Variants in ITSN1 observed in about 807,000 individuals in gnomAD.
The protein encoded by ITSN1 is intersectin 1, also known as intersectin-1.
In ITSN1, 58 loss-of-function variants were observed where a neutral mutation model predicts 239.8. The observed-to-expected ratio is 0.24, with a 90% CI of 0.20 to 0.30. The LOEUF is 0.30. Among genes scored for constraint, ITSN1 ranks in the 10% least tolerant of loss-of-function variants. The pLI is 1.00. For missense variants in ITSN1, 1,558 were observed against 2,103.3 expected, an observed-to-expected ratio of 0.74 and a Z score of 5.07; for synonymous variants, 780 against 770.8, an observed-to-expected ratio of 1.01 and a Z score of -0.20.
intron 1 of ITSN1, among the ~76,000 whole-genome samples, chr21:33,665,861 GA>G (rs1248288969): frequency 6.6e-6 from 1 of 151,476 alleles, no homozygotes; most frequent in East Asian, 1.9e-4. Context: ...GAATAAACAT[GA>G]AAACATGTAT....
At chr21:33,708,458 G>A (rs998418838) in intron 1 of ITSN1, among the ~76,000 whole-genome samples, 9 of 151,652 alleles carry the variant, frequency 5.9e-5, no homozygotes, top group East Asian at 3.9e-4. Context: ...GCGCGATCTC[G>A]GCTCACAGCA....
At chr21:33,798,834 A>G (rs1469042484) in intron 18 of ITSN1, among the ~76,000 whole-genome samples, 2 of 152,182 alleles carry the variant, frequency 1.3e-5, no homozygotes, top group Non-Finnish European at 2.9e-5. Flanking sequence ...CATCAGACCT[A>G]CAGAGTAGCA....
At chr21:33,743,516 G>A (rs2066991733) in intron 5 of ITSN1, among the ~76,000 whole-genome samples, 1 of 141,460 alleles carries the variant, frequency 7.1e-6, no homozygotes, top group Non-Finnish European at 1.6e-5. Context: ...TTGAGAAACA[G>A]TAACAAGTAT....
At chr21:33,653,416 C>A (rs1293669359) in intron 1 of ITSN1, among the ~76,000 whole-genome samples, 1 of 152,234 alleles carries the variant, frequency 6.6e-6, no homozygotes, top group Non-Finnish European at 1.5e-5. Flanking sequence ...CCCTCTAAGA[C>A]TTCTATGCTT....
intron 26 of ITSN1, chr21:33,828,817 C>T: frequency 2.6e-6 from 1 of 387,958 alleles, no homozygotes; most frequent in South Asian, 2.1e-5. Flanking sequence ...GTCTCCTGGG[C>T]CCGTGGAAAT....
chr21:33,835,313 G>A (rs1385427644), intron 28 of ITSN1, among the ~76,000 whole-genome samples: 2 of 152,142 alleles, frequency 1.3e-5, no homozygotes, highest in Non-Finnish European at 2.9e-5. Context: ...GCTGTCCCCT[G>A]GAGAGATGTG....
chr21:33,728,007 G>A (rs556845363), intron 4 of ITSN1, among the ~76,000 whole-genome samples: 5 of 147,994 alleles, frequency 3.4e-5, no homozygotes, highest in African/African-American at 7.5e-5. Context: ...TCACTCTGTC[G>A]CCCAAGCTGG....
intron 1 of ITSN1, among the ~76,000 whole-genome samples, chr21:33,693,505 C>T (rs905176630): frequency 2.6e-5 from 4 of 151,982 alleles, no homozygotes; most frequent in African/African-American, 9.7e-5. Context: ...TATAGGCATG[C>T]GCCATCACAC....
At chr21:33,734,359 T>C (rs954243317) in intron 4 of ITSN1, among the ~76,000 whole-genome samples, 8 of 152,198 alleles carry the variant, frequency 5.3e-5, no homozygotes, top group African/African-American at 1.9e-4. Context: ...ACTTGGACCG[T>C]GTATATTTGA....
chr21:33,782,806 A>C (rs541193216), intron 16 of ITSN1, among the ~76,000 whole-genome samples: 2 of 152,232 alleles, frequency 1.3e-5, no homozygotes, highest in African/African-American at 4.8e-5. Context: ...CAGGCGGATC[A>C]TGAGGTCAGG....
intron 21 of ITSN1, 90 bp from the exon 22 acceptor site, chr21:33,813,823 C>CTTTT: frequency 5.4e-6 from 5 of 930,484 alleles, no homozygotes; most frequent in South Asian, 2.7e-5. Context: ...GGAGTGCTTG[C>CTTTT]TTTTTTTTTT....
intron 28 of ITSN1, among the ~76,000 whole-genome samples, chr21:33,835,058 T>C (rs1288106261): frequency 6.6e-6 from 1 of 152,226 alleles, no homozygotes; most frequent in Non-Finnish European, 1.5e-5. Context: ...GGAGCAGATT[T>C]CTGCTTTAGG....
intron 1 of ITSN1, among the ~76,000 whole-genome samples, chr21:33,667,191 C>T (rs758077916): frequency 1.3e-5 from 2 of 151,442 alleles, no homozygotes; most frequent in Non-Finnish European, 1.5e-5. Context: ...TTTCCAAACG[C>T]TCTATAATAT....
At position 33,885,649 on chromosome 21, in the gene ITSN1, G is replaced by A. The variant is rs116587086; in HGVS notation, c.4843+127G>A. On this transcript the variant is annotated intron_variant, in intron 38 of 39. Transcript: ENST00000381318. ...ACTCCCTGATCTCCTTCCAGAATTG[G>A]TTTAACTAGCACTTGTTAAAAACCT... 1.2e-3 allele frequency: 838 copies of A among 719,824 alleles called. 6 individuals are homozygous for A. The African/African-American group carries it at 0.014, about 12-fold the overall frequency. 44.6% of individuals were successfully genotyped at this position (719,824 alleles called of 1,614,324 possible).
chr21:33,753,323 A>G (rs556535472), intron 7 of ITSN1, among the ~76,000 whole-genome samples: 2 of 152,328 alleles, frequency 1.3e-5, no homozygotes, highest in African/African-American at 4.8e-5. Context: ...TCAACCCCAT[A>G]GCTACCTATG....
At chr21:33,654,083 T>G (rs971386513) in intron 1 of ITSN1, among the ~76,000 whole-genome samples, 2 of 152,070 alleles carry the variant, frequency 1.3e-5, no homozygotes, top group African/African-American at 4.8e-5. Context: ...TGTCTCACTC[T>G]GTCACCCAGG....
In ITSN1 at chr21:33,836,687, A is replaced by G. The variant is rs1439013979; in HGVS notation, c.3661+55A>G. 7.3e-6 allele frequency: 10 copies of G among 1,375,094 alleles called. No individual in the cohort carries two copies. In the Admixed American group the frequency reaches 1.8e-4, roughly 24 times the overall value. 85.2% of individuals were successfully genotyped at this position (1,375,094 alleles called of 1,614,324 possible). ...CCTCTCTGGTATCTTCCCGTAAAAC[A>G]TGCAGCATTGCTCTGATTCTGCTGA... On this transcript the variant is annotated intron_variant, in intron 29 of 39. Coordinates refer to ENST00000381318, the MANE Select transcript of ITSN1 (RefSeq NM_003024.3).
intron 16 of ITSN1, among the ~76,000 whole-genome samples, chr21:33,784,514 A>G (rs1461620148): frequency 2.0e-5 from 3 of 152,226 alleles, no homozygotes; most frequent in East Asian, 1.9e-4. Context: ...AAAAACAAAC[A>G]AACAAAACAG....
intron 1 of ITSN1, among the ~76,000 whole-genome samples, chr21:33,683,895 A>G (rs2091102379): frequency 6.6e-6 from 1 of 152,098 alleles, no homozygotes; most frequent in South Asian, 2.1e-4. Context: ...GTAGGTTGGG[A>G]ATGTGTGCAA....
Sources: allele counts gnomAD v4.1 joint callset (sites outside exome capture counted in the v4.1 genomes callset), GRCh38; gene constraint gnomAD v4.1.1; transcripts MANE v1.5; gene names NCBI Gene and HGNC (gene_info 2026-07-23, HGNC 2026-07-21).